SLCO2B1: variants seen among roughly 807,000 people sequenced by gnomAD.
The protein encoded by SLCO2B1 is solute carrier organic anion transporter family member 2B1, also known as OATP-RP2.
Under a neutral mutation model 67.3 loss-of-function variants are expected in SLCO2B1, and 41 were observed. The ratio of observed to expected loss-of-function variants is 0.61; its 90% CI spans 0.47 to 0.79. SLCO2B1 has a LOEUF of 0.79. SLCO2B1 is among the 30% of genes least tolerant of loss of function. SLCO2B1 has a pLI of 0.00. For missense variants in SLCO2B1, 837 were observed against 920.1 expected (o/e 0.91, Z 1.17); for synonymous variants, 379 against 381.4 (o/e 0.99, Z 0.07).
intron 1 of SLCO2B1, among the ~76,000 whole-genome samples, chr11:75,152,122 G>C (rs1461140251): frequency 2.6e-5 from 4 of 152,240 alleles, no homozygotes; most frequent in African/African-American, 9.6e-5. Flanking sequence ...CTGCCTGCAG[G>C]GTGACAAGGA....
At chr11:75,172,310 C>A in intron 6 of SLCO2B1, 69 bp from the exon 7 acceptor site, 1 of 1,445,984 alleles carries the variant, frequency 6.9e-7, no homozygotes, top group Non-Finnish European at 9.4e-7. Context: ...GAGGCCAGTC[C>A]CAGGATGGCG....
At chr11:75,154,829 A>T (rs1199764217) in intron 1 of SLCO2B1, among the ~76,000 whole-genome samples, 1 of 152,196 alleles carries the variant, frequency 6.6e-6, no homozygotes, top group Non-Finnish European at 1.5e-5. Flanking sequence ...CAGCTTCATG[A>T]TCCGAGTGAG....
chr11:75,198,484 T>A (rs1164835149), intron 10 of SLCO2B1, among the ~76,000 whole-genome samples: 3 of 152,224 alleles, frequency 2.0e-5, no homozygotes, highest in Non-Finnish European at 4.4e-5. Context: ...AATACACATT[T>A]CTATTACGCC....
chr11:75,195,007 C>T (rs1210058869), intron 9 of SLCO2B1, among the ~76,000 whole-genome samples: 1 of 152,190 alleles, frequency 6.6e-6, no homozygotes, highest in Non-Finnish European at 1.5e-5. Flanking sequence ...CAAGAACCGA[C>T]GGTCTCCCTT....
At chr11:75,177,193 C>T (rs1950036529) in intron 7 of SLCO2B1, among the ~76,000 whole-genome samples, 1 of 152,098 alleles carries the variant, frequency 6.6e-6, no homozygotes, top group South Asian at 2.1e-4. Flanking sequence ...CACACACACA[C>T]ACACACTTCA....
intron 8 of SLCO2B1, among the ~76,000 whole-genome samples, chr11:75,190,084 G>T (rs1199922466): frequency 6.6e-6 from 1 of 152,204 alleles, no homozygotes; most frequent in Non-Finnish European, 1.5e-5. Flanking sequence ...AGACGCAGCG[G>T]CCGGGACTCC....
At chr11:75,191,005 T>A (rs760214415) in intron 8 of SLCO2B1, among the ~76,000 whole-genome samples, 3 of 152,170 alleles carry the variant, frequency 2.0e-5, no homozygotes, top group Non-Finnish European at 4.4e-5. Context: ...TCTATTCCGG[T>A]GCCATGCTGT....
chr11:75,155,006 A>G (rs1335591886), intron 1 of SLCO2B1, among the ~76,000 whole-genome samples: 1 of 152,016 alleles, frequency 6.6e-6, no homozygotes, highest in Admixed American at 6.5e-5. Context: ...CCTAGTTGCT[A>G]TTTTTTAGGT....
At chr11:75,175,910 G>A (rs1565540125) in intron 7 of SLCO2B1, among the ~76,000 whole-genome samples, 2 of 152,188 alleles carry the variant, frequency 1.3e-5, no homozygotes. Context: ...GAGAAGAGCA[G>A]GACATGGGAT....
chr11:75,192,352 A>G lies in SLCO2B1; in HGVS notation c.1076-866A>G, dbSNP rs150455224. 2.6e-5 allele frequency among the ~76,000 whole-genome samples: 4 copies of G among 152,336 alleles called. No homozygotes were observed. In the East Asian group the frequency reaches 7.7e-4, roughly 29 times the overall value. On this transcript the variant is annotated intron_variant, in intron 8 of 13. Transcript: ENST00000289575. Reference sequence around the variant, plus strand: ...ACAAAACCCCCTGATCTTTTAAAGAAGGCTTACGTTCTGGTAGGGTGACAA... The same window carrying G: ...ACAAAACCCCCTGATCTTTTAAAGAGGGCTTACGTTCTGGTAGGGTGACAA...
At chr11:75,185,305 G>A (rs1320943393) in intron 7 of SLCO2B1, among the ~76,000 whole-genome samples, 1 of 152,122 alleles carries the variant, frequency 6.6e-6, no homozygotes, top group East Asian at 1.9e-4. Flanking sequence ...AACCTCACAG[G>A]CAACATGGGA....
At chr11:75,154,480 A>G (rs1343039520) in intron 1 of SLCO2B1, among the ~76,000 whole-genome samples, 1 of 152,112 alleles carries the variant, frequency 6.6e-6, no homozygotes, top group Non-Finnish European at 1.5e-5. Flanking sequence ...AGCCTGGGCA[A>G]CAAGAGTGAG....
intron 11 of SLCO2B1, chr11:75,200,709 G>A: frequency 4.0e-6 from 1 of 248,996 alleles, no homozygotes; most frequent in Non-Finnish European, 7.6e-6. Context: ...CATACCTAGG[G>A]CCCTGTCCTG....
chr11:75,166,008 G>A, intron 4 of SLCO2B1, 59 bp downstream of exon 4: 4 of 1,553,386 alleles, frequency 2.6e-6, no homozygotes, highest in Non-Finnish European at 3.5e-6. Flanking sequence ...GCTTTGCGCT[G>A]GGGCCCACCC....
intron 7 of SLCO2B1, among the ~76,000 whole-genome samples, chr11:75,183,822 T>C (rs1950116323): frequency 6.6e-6 from 1 of 152,222 alleles, no homozygotes; most frequent in Admixed American, 6.5e-5. Flanking sequence ...AGTCAAGGCA[T>C]GAGTTTTCTA....
Position 75,205,827 on chromosome 11 carries a change from T to C in SLCO2B1, c.*1247T>C, listed in dbSNP as rs1272444810. 6.6e-6 allele frequency: 1 copy of C among 152,206 alleles called. No individual in the cohort carries two copies. The highest frequency in any genetic ancestry group is 1.5e-5 in the Non-Finnish European group (1 of 68,036). 9.4% of individuals were successfully genotyped at this position (152,206 alleles called of 1,614,324 possible). A position where few individuals can be genotyped will look rare whatever the true frequency, so the allele number is the denominator to read the frequency against. ...TTGCGGGGAGGAGAGGGTTTGCTAA[T>C]CTGCTCCCAGCCCAACCTATTACCA... is the stretch of plus-strand genomic sequence containing the variant. On this transcript the variant is annotated 3_prime_UTR_variant, in exon 14 of 14. Coordinates refer to ENST00000289575, the MANE Select transcript of SLCO2B1 (RefSeq NM_007256.5).
chr11:75,158,057 T>C lies in SLCO2B1; in HGVS notation c.17-4598T>C, dbSNP rs567193783. Among the ~76,000 whole-genome samples, 6 of 152,254 alleles carry C rather than the reference T, an allele frequency of 3.9e-5. No homozygotes were observed. In the East Asian group the frequency reaches 9.7e-4, roughly 24 times the overall value. On this transcript the variant is annotated intron_variant, in intron 1 of 13. Transcript: ENST00000289575. ...CTTAAACTTTTTAGTTTTTATTATA[T>C]TGAATTAAATTAAATTATTTATTTA...
chr11:75,178,409 C>T (rs1950052612), intron 7 of SLCO2B1, among the ~76,000 whole-genome samples: 2 of 152,180 alleles, frequency 1.3e-5, no homozygotes, highest in South Asian at 2.1e-4. Context: ...CAGGCCAGCT[C>T]TTAAGGGGAA....
At chr11:75,198,270 T>C (rs1945131060) in intron 10 of SLCO2B1, among the ~76,000 whole-genome samples, 1 of 152,210 alleles carries the variant, frequency 6.6e-6, no homozygotes, top group Non-Finnish European at 1.5e-5. Context: ...ACTGACTCTG[T>C]TACCTTAGGC....
Sources: gnomAD v4.1 joint callset for allele counts (sites outside exome capture counted in the v4.1 genomes callset) on GRCh38, gnomAD v4.1.1 for gene constraint, MANE v1.5 for transcripts, NCBI Gene and HGNC (gene_info 2026-07-23, HGNC 2026-07-21) for gene names.